Variants in PRELID2 observed in about 807,000 individuals in gnomAD.
PRELID2 encodes PRELI domain-containing protein 2.
PRELID2 carries 25 observed loss-of-function variants against 28.4 expected under a neutral mutation model. The observed-to-expected ratio is 0.88, with a 90% CI of 0.64 to 1.23. The LOEUF (loss-of-function observed/expected upper bound fraction) is 1.23. Among genes scored for constraint, PRELID2 ranks in the 50% most tolerant of loss-of-function variants. The probability of loss-of-function intolerance (pLI) is 0.00; values close to 1 mark genes in which losing one functional copy is unlikely to be tolerated. For missense variants in PRELID2, 201 were observed against 214.4 expected (o/e 0.94, Z 0.39); for synonymous variants, 76 against 71.6 (o/e 1.06, Z -0.31).
At chr5:145,615,471 T>C (rs111899737) in intron 1 of PRELID2, among the ~76,000 whole-genome samples, 16,365 of 141,362 alleles carry the variant, frequency 0.12, 4,269 homozygotes, top group African/African-American at 0.43. Flanking sequence ...GGACTACAGG[T>C]GCCCGCCACC....
chr5:145,305,146 A>C, the PRELID2 span, among the ~76,000 whole-genome samples: 1 of 152,208 alleles, frequency 6.6e-6, no homozygotes, highest in Non-Finnish European at 1.5e-5. Context: ...GGCCCAAAGG[A>C]TAGAGAGAAT....
intron 1 of PRELID2, among the ~76,000 whole-genome samples, chr5:145,746,537 T>C (rs534187339): frequency 6.6e-6 from 1 of 152,168 alleles, no homozygotes; most frequent in Non-Finnish European, 1.5e-5. Flanking sequence ...ATAAAACAAG[T>C]TATTAGAGAC....
chr5:145,486,525 C>T lies in PRELID2; in HGVS notation n.71-13210G>A, dbSNP rs187845291. Reference sequence around the variant, plus strand: ...CAATTCTGGCCACCACACCCCACAACCTCCATGTAAGAACACCAGTTGTAT... The same window carrying T: ...CAATTCTGGCCACCACACCCCACAATCTCCATGTAAGAACACCAGTTGTAT... On this transcript the variant is annotated intron_variant and non_coding_transcript_variant, in intron 1 of 2. Coordinates refer to the PRELID2 transcript ENST00000510259. 7.6e-4 allele frequency among the ~76,000 whole-genome samples: 115 copies of T among 152,310 alleles called. No individual in the cohort carries two copies. In the Middle Eastern group the frequency reaches 0.01, roughly 14 times the overall value.
intron 1 of PRELID2, among the ~76,000 whole-genome samples, chr5:145,587,558 T>C (rs140818579): frequency 6.6e-6 from 1 of 152,314 alleles, no homozygotes; most frequent in East Asian, 1.9e-4. Flanking sequence ...ATAGAGAACC[T>C]AGTCCTAATG....
intron 4 of PRELID2, among the ~76,000 whole-genome samples, chr5:145,809,159 G>A (rs1436415208): frequency 2.0e-5 from 3 of 150,400 alleles, no homozygotes; most frequent in Non-Finnish European, 4.4e-5. Flanking sequence ...ACCTCAGTCA[G>A]CCCCACCAAG....
Position 145,760,466 on chromosome 5 carries a change from A to C in PRELID2, c.*70T>G, listed in dbSNP as rs558726888. The C allele has an allele frequency of 5.1e-4, 77 of 152,200 alleles. No individual in the cohort carries two copies. Among genetic ancestry groups the C allele is most frequent in the African/African-American group, 1.7e-3 (71 of 41,532 alleles). 9.4% of individuals were successfully genotyped at this position (152,200 alleles called of 1,614,324 possible). A position where few individuals can be genotyped will look rare whatever the true frequency, so the allele number is the denominator to read the frequency against. ...ACTGTGTCTGTGATGTGCTGTGGCC[A>C]AGAAGTGATTCTCAAAAAAAAAATA... On this transcript the variant is annotated 3_prime_UTR_variant, in exon 7 of 7. Transcript: ENST00000683046.
chr5:145,342,426 A>C, the PRELID2 span, among the ~76,000 whole-genome samples: 2 of 152,148 alleles, frequency 1.3e-5, no homozygotes, highest in East Asian at 3.8e-4. Flanking sequence ...GAGAGAAACA[A>C]AGAATATGTG....
At chr5:145,500,783 A>G (rs17103323) in intron 1 of PRELID2, among the ~76,000 whole-genome samples, 34,993 of 152,108 alleles carry the variant, frequency 0.23, 4,201 homozygotes, top group South Asian at 0.38. Flanking sequence ...GATGGCAACT[A>G]CCTTGTAGCT....
intron 1 of PRELID2, among the ~76,000 whole-genome samples, chr5:145,732,434 T>A: frequency 6.6e-6 from 1 of 152,350 alleles, no homozygotes; most frequent in South Asian, 2.1e-4. Context: ...ACTTTCTACA[T>A]TGATGGACAT....
intron 1 of PRELID2, among the ~76,000 whole-genome samples, chr5:145,581,777 CCTGTGTA>C (rs1349289812): frequency 2.6e-5 from 4 of 152,010 alleles, no homozygotes; most frequent in Admixed American, 2.6e-4. Flanking sequence ...GAGTGCATCA[CCTGTGTA>C]CTGCACAAGA....
intron 1 of PRELID2, among the ~76,000 whole-genome samples, chr5:145,716,872 T>A (rs1260845571): frequency 6.6e-6 from 1 of 152,116 alleles, no homozygotes; most frequent in Non-Finnish European, 1.5e-5. Context: ...TTATTTCCAT[T>A]TTGTTCTATT....
chr5:145,445,807 C>A, the PRELID2 span, among the ~76,000 whole-genome samples: 126 of 151,806 alleles, frequency 8.3e-4, no homozygotes, highest in African/African-American at 3.0e-3. Flanking sequence ...AAATCAAAAC[C>A]ACTGTGGAGT....
intron 1 of PRELID2, among the ~76,000 whole-genome samples, chr5:145,477,228 G>A (rs992264967): frequency 4.6e-5 from 7 of 152,128 alleles, no homozygotes; most frequent in African/African-American, 1.7e-4. Flanking sequence ...TTCAGGTACA[G>A]CTGGATCCAG....
chr5:145,821,296 CTT>C (rs1449593981), intron 2 of PRELID2, among the ~76,000 whole-genome samples: 1 of 147,154 alleles, frequency 6.8e-6, no homozygotes, highest in Non-Finnish European at 1.5e-5. Context: ...TTTAAGCTCT[CTT>C]CTGTGTGTGT....
intron 1 of PRELID2, among the ~76,000 whole-genome samples, chr5:145,608,952 ATTC>A (rs1220571007): frequency 2.0e-5 from 3 of 151,798 alleles, no homozygotes; most frequent in Non-Finnish European, 2.9e-5. Context: ...TTATTTGTTC[ATTC>A]TTCTTTAATT....
chr5:145,281,002 A>G, the PRELID2 span, among the ~76,000 whole-genome samples: 16 of 152,256 alleles, frequency 1.1e-4, no homozygotes, highest in Admixed American at 7.2e-4. Context: ...CTAGATGCTC[A>G]AATGTTGAAA....
At chr5:145,787,444 A>C (rs1443939392) in intron 5 of PRELID2, among the ~76,000 whole-genome samples, 2 of 152,212 alleles carry the variant, frequency 1.3e-5, no homozygotes, top group Non-Finnish European at 2.9e-5. Flanking sequence ...TTCACACGGA[A>C]GATGTCAATT....
chr5:145,637,955 C>T (rs1251926301), intron 1 of PRELID2, among the ~76,000 whole-genome samples: 6 of 151,968 alleles, frequency 3.9e-5, no homozygotes, highest in African/African-American at 9.7e-5. Context: ...GGATTACAGG[C>T]GCGCACCACC....
intron 1 of PRELID2, among the ~76,000 whole-genome samples, chr5:145,512,758 C>T (rs543954512): frequency 6.6e-6 from 1 of 152,286 alleles, no homozygotes; most frequent in Admixed American, 6.5e-5. Context: ...CTGGTGGGTG[C>T]CCCTCTGGGA....
Sources: gnomAD v4.1 joint callset for allele counts (sites outside exome capture counted in the v4.1 genomes callset) on GRCh38, gnomAD v4.1.1 for gene constraint, MANE v1.5 for transcripts, NCBI Gene and HGNC (gene_info 2026-07-23, HGNC 2026-07-21) for gene names.